Variants in LYST observed in about 807,000 individuals in gnomAD.
The protein encoded by LYST is lysosomal trafficking regulator.
LYST carries 192 observed loss-of-function variants against 413.6 expected under a neutral mutation model. The ratio of observed to expected loss-of-function variants is 0.46; its 90% CI spans 0.41 to 0.52. LYST has a LOEUF of 0.52. Among genes scored for constraint, LYST ranks in the 20% least tolerant of loss-of-function variants. The pLI is 0.00. For synonymous variants in LYST, 1,525 were observed against 1,567.3 expected (o/e 0.97, Z 0.64); for missense variants, 3,815 against 4,499.9 (o/e 0.85, Z 4.35).
chr1:235,784,940 C>A (rs1670264386), intron 14 of LYST, among the ~76,000 whole-genome samples: 1 of 152,192 alleles, frequency 6.6e-6, no homozygotes, highest in Non-Finnish European at 1.5e-5. Flanking sequence ...CGTATTTTTA[C>A]ATTTTTTAAA....
Position 235,808,331 on chromosome 1 carries a change from T to C in LYST, c.2363+124A>G. ...TACGATCACACTGCTGCCAAAGCCC[T>C]GGAGATATCAGTGTTAGAAGTTTAA... is the stretch of plus-strand genomic sequence containing the variant. On this transcript the variant is annotated intron_variant, in intron 5 of 52. Coordinates refer to ENST00000389793, the MANE Select transcript of LYST (RefSeq NM_000081.4). 5 of 778,726 alleles carry C rather than the reference T, an allele frequency of 6.4e-6. No homozygotes were observed. The South Asian group carries it at 9.2e-5, about 14-fold the overall frequency. The allele number at this position is 778,726 out of a possible 1,614,324, so 48.2% of individuals were successfully genotyped here.
At chr1:235,847,469 T>A (rs752348553) in intron 1 of LYST, among the ~76,000 whole-genome samples, 29 of 151,940 alleles carry the variant, frequency 1.9e-4, no homozygotes, top group Non-Finnish European at 3.5e-4. Flanking sequence ...AAAATGCAAG[T>A]TAAAAAGCAA....
chr1:235,853,895 A>G (rs1331506458), intron 1 of LYST, among the ~76,000 whole-genome samples: 1 of 152,264 alleles, frequency 6.6e-6, no homozygotes, highest in Non-Finnish European at 1.5e-5. Flanking sequence ...CGGCAACCAG[A>G]TATCTCAGGA....
rs779610980 is a variant in LYST, at chr1:235,751,331, G to C, written c.7659C>G (p.Leu2553=). 2 of 1,613,528 alleles carry C rather than the reference G, an allele frequency of 1.2e-6. No individual in the cohort carries two copies. The highest frequency in any genetic ancestry group is 1.7e-6 in the Non-Finnish European group (2 of 1,179,704). Residue 2553 remains leucine (L), a synonymous_variant, in exon 28 of 53, where the codon CTC becomes CTG. Transcript: ENST00000389793. ...TCCTTATAAATTCCATAGCAGCCTG[G>C]AGAACTCTAAGCTGTAGTGCAACAG... is the stretch of plus-strand genomic sequence containing the variant. The part of the protein sequence containing the change: ...NMAVALQLRV[L]QAAMEFIRTT...
At position 235,780,659 on chromosome 1, in the gene LYST, G is replaced by C. The variant is rs1368397439; in HGVS notation, c.5214+206C>G. Reference sequence around the variant, plus strand: ...TATAGAAATATAATTTCAAGGAAAAGGAGATATAAATATAAAGCCTGAAAC... The same window carrying C: ...TATAGAAATATAATTTCAAGGAAAACGAGATATAAATATAAAGCCTGAAAC... On this transcript the variant is annotated intron_variant, in intron 16 of 52. Transcript: ENST00000389793. Among the ~76,000 whole-genome samples, 4 of 151,748 alleles carry C rather than the reference G, an allele frequency of 2.6e-5. No homozygotes were observed. In the East Asian group the frequency reaches 7.7e-4, roughly 29 times the overall value.
intron 3 of LYST, among the ~76,000 whole-genome samples, chr1:235,818,633 C>CT (rs1674424617): frequency 6.6e-6 from 1 of 151,022 alleles, no homozygotes; most frequent in Admixed American, 6.6e-5. Flanking sequence ...TGTACATGGT[C>CT]TTTTAAAAAA....
intron 1 of LYST, among the ~76,000 whole-genome samples, chr1:235,843,290 C>T (rs1399865606): frequency 6.6e-6 from 1 of 151,930 alleles, no homozygotes; most frequent in South Asian, 2.1e-4. Context: ...TATTAATATG[C>T]TCCAGCTCAT....
At chr1:235,725,939 T>C (rs1663827789) in intron 38 of LYST, among the ~76,000 whole-genome samples, 1 of 152,094 alleles carries the variant, frequency 6.6e-6, no homozygotes, top group Admixed American at 6.6e-5. Context: ...CCTCCCAAAG[T>C]ACAAAATCAA....
At chr1:235,683,192 T>C (rs1361425376) in intron 48 of LYST, among the ~76,000 whole-genome samples, 1 of 152,250 alleles carries the variant, frequency 6.6e-6, no homozygotes, top group Non-Finnish European at 1.5e-5. Flanking sequence ...CTAATATTAC[T>C]AGACAATTCA....
At chr1:235,777,769 A>G (rs1450713772) in intron 16 of LYST, among the ~76,000 whole-genome samples, 2 of 152,178 alleles carry the variant, frequency 1.3e-5, no homozygotes, top group South Asian at 2.1e-4. Flanking sequence ...TTCTACTGGA[A>G]TAAAATTCCA....
Position 235,808,642 on chromosome 1 carries a change from C to G in LYST, c.2176G>C (p.Val726Leu), listed in dbSNP as rs1485363866. The G allele has an allele frequency of 2.5e-6, 4 of 1,612,980 alleles. No homozygotes were observed. In the South Asian group the frequency reaches 4.4e-5, roughly 18 times the overall value. Reference sequence around the variant, plus strand: ...ATGTAATTATATAATTTCCACTGAACAACTATATTGCCTTTCTGGATTAAA... The same window carrying G: ...ATGTAATTATATAATTTCCACTGAAGAACTATATTGCCTTTCTGGATTAAA... ...CNLIQKGNIV[V>L]QWKLYNYIFN... Residue 726 changes from valine to leucine, a missense_variant, in exon 5 of 53, where the codon GTT (valine) becomes CTT (leucine). By Grantham distance (32) the Val-to-Leu change is conservative. This residue lies in a region of LYST where 1,648 missense variants were observed against 1,810.3 expected (regional missense o/e 0.91). Transcript: ENST00000389793.
chr1:235,749,897 T>C (rs560355634), intron 28 of LYST, among the ~76,000 whole-genome samples: 1 of 152,106 alleles, frequency 6.6e-6, no homozygotes, highest in South Asian at 2.1e-4. Flanking sequence ...AAATGGGAAA[T>C]AGCAAGAGGA....
chr1:235,772,596 T>TTCCAGGTGCTGA (rs1668818104), intron 19 of LYST, among the ~76,000 whole-genome samples: 1 of 152,152 alleles, frequency 6.6e-6, no homozygotes, highest in Non-Finnish European at 1.5e-5. Context: ...AGCCCAGCCA[T>TTCCAGGTGCTGA]TCCAGGTGCT....
chr1:235,794,124 T>C (rs1671317045), intron 10 of LYST, among the ~76,000 whole-genome samples: 1 of 152,188 alleles, frequency 6.6e-6, no homozygotes, highest in Non-Finnish European at 1.5e-5. Context: ...TGAGCTACCA[T>C]GTCTGGCCAG....
At chr1:235,863,578 A>G (rs74148907) in intron 1 of LYST, among the ~76,000 whole-genome samples, 9,469 of 151,970 alleles carry the variant, frequency 0.062, 972 homozygotes, top group African/African-American at 0.22. Context: ...CTGAAATTCC[A>G]GACTATATGG....
At chr1:235,867,549 T>A (rs1024240287), upstream of LYST, among the ~76,000 whole-genome samples, 5 of 152,292 alleles carry the variant, frequency 3.3e-5, no homozygotes, top group South Asian at 4.1e-4. Flanking sequence ...AACCGACTCC[T>A]GTTCAAACAC....
At chr1:235,879,148 G>A (rs529511767) in intron 1 of LYST, among the ~76,000 whole-genome samples, 1 of 152,166 alleles carries the variant, frequency 6.6e-6, no homozygotes, top group Non-Finnish European at 1.5e-5. Flanking sequence ...TGGGATTACA[G>A]GTGTGAACCA....
chr1:235,690,856 CTG>C (rs1660586470), intron 47 of LYST, among the ~76,000 whole-genome samples: 1 of 151,758 alleles, frequency 6.6e-6, no homozygotes, highest in Non-Finnish European at 1.5e-5. Context: ...GATTTACAGT[CTG>C]GAACGGTTGC....
At position 235,672,959 on chromosome 1, in the gene LYST, C is replaced by A. The variant is rs537234209; in HGVS notation, c.11038+4132G>T. ...AAAGCCTCCTAGCACAAACTCCACC[C>A]CTCAAACTCCCAGTTCACCGACACC... On this transcript the variant is annotated intron_variant, in intron 50 of 52. Coordinates refer to ENST00000389793, the MANE Select transcript of LYST (RefSeq NM_000081.4). Among the ~76,000 whole-genome samples the A allele has an allele frequency of 7.2e-5, 11 of 152,276 alleles. No homozygotes were observed. The South Asian group carries it at 1.9e-3, about 26-fold the overall frequency.
Sources: allele counts gnomAD v4.1 joint callset (sites outside exome capture counted in the v4.1 genomes callset), GRCh38; gene constraint gnomAD v4.1.1; regional missense constraint gnomAD v4.1.1; transcripts MANE v1.5; gene names NCBI Gene and HGNC (gene_info 2026-07-23, HGNC 2026-07-21).